The following KAZN variants were observed in gnomAD, a reference collection of about 807,000 sequenced individuals.
KAZN encodes kazrin.
KAZN carries 40 observed loss-of-function variants against 87.4 expected under a neutral mutation model. That is an observed-to-expected ratio of 0.46 (90% CI 0.36 to 0.60). The LOEUF is 0.60. Among genes scored for constraint, KAZN ranks in the 20% least tolerant of loss-of-function variants. The pLI, the probability that KAZN is intolerant of heterozygous loss-of-function variation, is 0.00. For missense variants in KAZN, 898 were observed against 1,073.9 expected (o/e 0.84, Z 2.29); for synonymous variants, 466 against 458.3 (o/e 1.02, Z -0.22).
At chr1:15,037,489 A>C (rs1303733679) in intron 3 of KAZN, among the ~76,000 whole-genome samples, 31 of 152,230 alleles carry the variant, frequency 2.0e-4, no homozygotes, top group Non-Finnish European at 1.5e-5. Context: ...TCTGTAAAGC[A>C]GGATGAAGAT....
chr1:15,104,963 T>C (rs527355522), intron 13 of KAZN, among the ~76,000 whole-genome samples: 1 of 152,362 alleles, frequency 6.6e-6, no homozygotes, highest in East Asian at 1.9e-4. Context: ...ATTATATTGA[T>C]TGATTGAATT....
At chr1:14,279,228 T>A (rs1652651519) in intron 2 of KAZN, among the ~76,000 whole-genome samples, 1 of 152,160 alleles carries the variant, frequency 6.6e-6, no homozygotes, top group African/African-American at 2.4e-5. Context: ...GCAACTAAGT[T>A]AAGCATGCCC....
chr1:14,855,656 C>T (rs116646066), intron 1 of KAZN, among the ~76,000 whole-genome samples: 1,535 of 152,264 alleles, frequency 0.01, 33 homozygotes, highest in African/African-American at 0.034. Flanking sequence ...AGCTGTTCTG[C>T]GCAGGAAAGG....
rs78905548 is a variant in KAZN, at chr1:14,141,375, C to G, written c.92-39060C>G. 7.7e-3 allele frequency among the ~76,000 whole-genome samples: 1,167 copies of G among 152,102 alleles called. 81 individuals are homozygous for G. In the East Asian group the frequency reaches 0.17, roughly 22 times the overall value. On this transcript the variant is annotated intron_variant, in intron 1 of 16. Transcript: ENST00000636203. ...CTGGGGCCTGAGAGCACAGAGGTTC[C>G]CGACGCCCACCTGTTGACATAGACC...
At chr1:14,425,972 A>G (rs1665702843) in intron 2 of KAZN, among the ~76,000 whole-genome samples, 1 of 152,198 alleles carries the variant, frequency 6.6e-6, no homozygotes, top group Non-Finnish European at 1.5e-5. Context: ...ATTTGGCAGG[A>G]GGACTGCAAT....
intron 2 of KAZN, among the ~76,000 whole-genome samples, chr1:14,310,768 A>G (rs1454696196): frequency 6.6e-6 from 1 of 152,214 alleles, no homozygotes; most frequent in Non-Finnish European, 1.5e-5. Flanking sequence ...CCCAGGAAAA[A>G]GAAGGTTTTG....
intron 1 of KAZN, among the ~76,000 whole-genome samples, chr1:13,974,102 G>A (rs924934826): frequency 3.3e-5 from 5 of 152,262 alleles, no homozygotes; most frequent in African/African-American, 4.8e-5. Flanking sequence ...TCCAACACTG[G>A]ATTGTGACAA....
At chr1:14,191,908 T>C (rs553155182) in intron 2 of KAZN, among the ~76,000 whole-genome samples, 109 of 152,236 alleles carry the variant, frequency 7.2e-4, no homozygotes, top group Non-Finnish European at 1.3e-3. Context: ...AACCAAGTAC[T>C]TCTGCCTCCA....
intron 1 of KAZN, among the ~76,000 whole-genome samples, chr1:14,788,443 G>A (rs1486905413): frequency 1.3e-5 from 2 of 152,026 alleles, no homozygotes; most frequent in Non-Finnish European, 2.9e-5. Context: ...AAGCCGGGGT[G>A]GGTAAATTGA....
At chr1:14,204,551 T>C (rs1446588060) in intron 2 of KAZN, among the ~76,000 whole-genome samples, 1 of 152,280 alleles carries the variant, frequency 6.6e-6, no homozygotes, top group East Asian at 1.9e-4. Flanking sequence ...AAATTTGTTT[T>C]ATATTTTATT....
chr1:14,677,786 C>A (rs924248074), intron 1 of KAZN, among the ~76,000 whole-genome samples: 2 of 152,146 alleles, frequency 1.3e-5, no homozygotes, highest in African/African-American at 4.8e-5. Context: ...GGGTCTGCAC[C>A]AGTATATCAA....
intron 2 of KAZN, among the ~76,000 whole-genome samples, chr1:14,320,328 TTATAATC>T (rs1339776327): frequency 1.3e-5 from 2 of 152,148 alleles, no homozygotes; most frequent in Non-Finnish European, 2.9e-5. Flanking sequence ...TCTTGAGGGA[TTATAATC>T]TATATATTTA....
intron 1 of KAZN, among the ~76,000 whole-genome samples, chr1:14,873,068 G>GTGGA (rs879736674): frequency 4.7e-4 from 64 of 135,324 alleles, no homozygotes; most frequent in Non-Finnish European, 7.7e-4. Flanking sequence ...GGATGGATGG[G>GTGGA]TGGATGGATG....
At chr1:14,673,539 C>T (rs755159350) in intron 1 of KAZN, among the ~76,000 whole-genome samples, 3 of 152,126 alleles carry the variant, frequency 2.0e-5, no homozygotes, top group Non-Finnish European at 4.4e-5. Flanking sequence ...AAGCGTCCTT[C>T]GAGATCATCA....
chr1:15,076,332 C>A (rs2100611174), intron 8 of KAZN, among the ~76,000 whole-genome samples: 1 of 152,308 alleles, frequency 6.6e-6, no homozygotes, highest in East Asian at 1.9e-4. Flanking sequence ...CTGAGCCCAG[C>A]AGAATTGATC....
intron 8 of KAZN, among the ~76,000 whole-genome samples, chr1:15,082,980 A>G (rs990432704): frequency 5.9e-5 from 9 of 152,156 alleles, no homozygotes; most frequent in Non-Finnish European, 1.3e-4. Flanking sequence ...TCCCTGATCT[A>G]AAGACCACTC....
At chr1:14,299,974 G>A (rs780905052) in intron 2 of KAZN, among the ~76,000 whole-genome samples, 2 of 152,076 alleles carry the variant, frequency 1.3e-5, no homozygotes, top group Non-Finnish European at 2.9e-5. Flanking sequence ...ATGGTTAGTT[G>A]GGAAAGGCCT....
intron 1 of KAZN, among the ~76,000 whole-genome samples, chr1:13,945,718 AGAG>A (rs1557737850): frequency 1.9e-4 from 14 of 74,114 alleles, no homozygotes; most frequent in Non-Finnish European, 3.5e-4. Context: ...TGTGAGAGAG[AGAG>A]AGAGAGAGAG....
chr1:13,945,821 G>A lies in KAZN; in HGVS notation c.91+52065G>A, dbSNP rs1287874576. Among the ~76,000 whole-genome samples, 4 of 151,910 alleles carry A rather than the reference G, an allele frequency of 2.6e-5. No homozygotes were observed. The East Asian group carries it at 7.7e-4, about 29-fold the overall frequency. ...GGTGAACTGGGATATTGGAATGCTG[G>A]TTCTGGCAAGGGCCACCTGAATTGG... On this transcript the variant is annotated intron_variant, in intron 1 of 16. Coordinates refer to the KAZN transcript ENST00000636203.
Sources: allele counts gnomAD v4.1 joint callset (sites outside exome capture counted in the v4.1 genomes callset), GRCh38; gene constraint gnomAD v4.1.1; transcripts MANE v1.5; gene names NCBI Gene and HGNC (gene_info 2026-07-23, HGNC 2026-07-21).